Variants in SEC14L5 observed in about 807,000 individuals in gnomAD.
SEC14L5 encodes the protein SEC14-like protein 5.
SEC14L5 carries 96 observed loss-of-function variants against 84.6 expected under a neutral mutation model. That is an observed-to-expected ratio of 1.13 (90% CI 0.96 to 1.34). The LOEUF (loss-of-function observed/expected upper bound fraction) is 1.34. Among genes scored for constraint, SEC14L5 ranks in the 40% most tolerant of loss-of-function variants. SEC14L5 has a pLI of 0.00. For synonymous variants in SEC14L5, 546 were observed against 383.4 expected (o/e 1.42, Z -4.95); for missense variants, 1,224 against 942.5 (o/e 1.30, Z -3.91).
intron 10 of SEC14L5, 144 bp from the exon 11 acceptor site, chr16:5,003,258 G>A (rs150963883): frequency 3.1e-6 from 2 of 638,194 alleles, no homozygotes; most frequent in African/African-American, 1.8e-5. Flanking sequence ...CCTCTTCATC[G>A]CATGGGCTCC....
chr16:5,002,255 A>G (rs1354654824), intron 10 of SEC14L5, among the ~76,000 whole-genome samples: 2 of 149,012 alleles, frequency 1.3e-5, no homozygotes, highest in Admixed American at 6.7e-5. Flanking sequence ...AGCCCCAAAT[A>G]TCCCGATCTT....
intron 2 of SEC14L5, among the ~76,000 whole-genome samples, chr16:4,965,153 T>C (rs975378640): frequency 1.3e-5 from 2 of 152,202 alleles, no homozygotes; most frequent in Non-Finnish European, 2.9e-5. Context: ...GGGTACAATA[T>C]TTTTAAGGTT....
At chr16:5,008,343 C>A (rs1955757225) in intron 13 of SEC14L5, 78 bp from the exon 14 acceptor site, 1 of 1,041,736 alleles carries the variant, frequency 9.6e-7, no homozygotes. Flanking sequence ...GCACCCACAG[C>A]CCCTCCTGCC....
At position 4,987,592 on chromosome 16, in the gene SEC14L5, C is replaced by G. The variant is rs753867022; in HGVS notation, c.99C>G (p.Ile33Met). 10 of 1,562,010 alleles carry G rather than the reference C, an allele frequency of 6.4e-6. No homozygotes were observed. Among genetic ancestry groups the G allele is most frequent in the Non-Finnish European group, 8.7e-6 (10 of 1,154,216 alleles). The change falls in exon 3 of 16, where the codon ATC (isoleucine) becomes ATG (methionine). Residue 33 changes from isoleucine (I) to methionine (M), a missense_variant. Coordinates refer to ENST00000251170, the MANE Select transcript of SEC14L5 (RefSeq NM_014692.2). Reference sequence around the variant, plus strand: ...AGCGTTTCCCCACGTGCCCACAGATCCCAGTCTTCCTGGGCAGCGAGGTCT... The same window carrying G: ...AGCGTTTCCCCACGTGCCCACAGATGCCAGTCTTCCTGGGCAGCGAGGTCT... ...YEKRFPTCPQ[I>M]PVFLGSEVLR...
chr16:4,987,582 GC>G lies in SEC14L5; in HGVS notation c.92del (p.Pro31HisfsTer56). The stretch of plus-strand genomic sequence containing the variant: ...GCCTACGAGAAGCGTTTCCCCACGT[GC>G]CCACAGATCCCAGTCTTCCTGGGCA... ...MAAYEKRFPT[C>X]PQIPVFLGSE... On this transcript the variant is annotated frameshift_variant, in exon 3 of 16. Transcript: ENST00000251170. LOFTEE classifies it high-confidence loss of function. 6.4e-7 allele frequency: 1 copy of G among 1,561,744 alleles called. No homozygotes were observed. Among genetic ancestry groups the G allele is most frequent in the Non-Finnish European group, 8.7e-7 (1 of 1,154,166 alleles).
intron 11 of SEC14L5, among the ~76,000 whole-genome samples, 160 bp downstream of exon 11, chr16:5,003,733 G>T (rs139803338): frequency 1.5e-3 from 231 of 152,296 alleles, no homozygotes; most frequent in African/African-American, 5.1e-3. Context: ...TTTAAGTATA[G>T]ACTCCAGTGG....
In SEC14L5 at chr16:4,988,221, G is replaced by C. The variant is rs200389087; in HGVS notation, c.286G>C (p.Glu96Gln). 8 of 1,613,600 alleles carry C rather than the reference G, an allele frequency of 5.0e-6. No homozygotes were observed. The highest frequency in any genetic ancestry group is 1.7e-5 in the Admixed American group (1 of 59,994). Residue 96 changes from glutamate to glutamine, a missense_variant, in exon 4 of 16, where the codon GAA (glutamate) becomes CAA (glutamine). Transcript: ENST00000251170. ...LNWKERTLLI[E>Q]AHNETFANRV... ...CTGGAAGGAGAGGACGCTCCTCATC[G>C]AAGCGCACAATGAGACCTTCGCCAA...
intron 2 of SEC14L5, among the ~76,000 whole-genome samples, chr16:4,976,834 AC>A (rs1299610220): frequency 6.6e-6 from 1 of 152,174 alleles, no homozygotes; most frequent in Non-Finnish European, 1.5e-5. Context: ...AGAGCACCAA[AC>A]CATGTGTTTG....
chr16:5,000,121 T>C (rs1302309736), intron 8 of SEC14L5, among the ~76,000 whole-genome samples: 1 of 151,398 alleles, frequency 6.6e-6, no homozygotes, highest in Non-Finnish European at 1.5e-5. Context: ...TGAAACCCCA[T>C]TTCTACTAAA....
At position 5,017,284 on chromosome 16, in the gene SEC14L5, G is replaced by A. The variant is rs988308836; in HGVS notation, c.*2314G>A. 4 of 152,274 alleles carry A rather than the reference G, an allele frequency of 2.6e-5. No homozygotes were observed. Among genetic ancestry groups the A allele is most frequent in the African/African-American group, 9.6e-5 (4 of 41,456 alleles). The allele number at this position is 152,274 out of a possible 1,614,324, so 9.4% of individuals were successfully genotyped here. On this transcript the variant is annotated 3_prime_UTR_variant, in exon 16 of 16. Transcript: ENST00000251170. ...CTCTTGAGAGTGCTCTCTCCCTAGG[G>A]AAAACCAGCCCAAACTGGCTTAAGC...
In SEC14L5 at chr16:4,987,726, G is replaced by C. The variant is rs777251624; in HGVS notation, c.213+20G>C. 1 of 1,474,958 alleles carries C rather than the reference G, an allele frequency of 6.8e-7. No individual in the cohort carries two copies. Among genetic ancestry groups the C allele is most frequent in the East Asian group, 2.6e-5 (1 of 37,922 alleles). 91.4% of individuals were successfully genotyped at this position (1,474,958 alleles called of 1,614,324 possible). A position where few individuals can be genotyped will look rare whatever the true frequency, so the allele number is the denominator to read the frequency against. On this transcript the variant is annotated intron_variant, in intron 3 of 15. Transcript: ENST00000251170. ...CGGAAGGTGGGCGGCCCTGGGGCTG[G>C]GGGGCGGAGGAGGGGACCTGTTGCG... is the stretch of plus-strand genomic sequence containing the variant.
At chr16:4,996,482 G>T in intron 7 of SEC14L5, 22 bp downstream of exon 7, 1 of 1,347,556 alleles carries the variant, frequency 7.4e-7, no homozygotes. Flanking sequence ...GGGTACCCTG[G>T]AGCAGTGGAT....
intron 4 of SEC14L5, among the ~76,000 whole-genome samples, chr16:4,988,953 G>C (rs1955524423): frequency 6.6e-6 from 1 of 152,242 alleles, no homozygotes; most frequent in Non-Finnish European, 1.5e-5. Context: ...GGATCCAGCA[G>C]GGAGATGTGT....
At chr16:4,981,719 G>C (rs1955425909) in intron 2 of SEC14L5, among the ~76,000 whole-genome samples, 1 of 152,152 alleles carries the variant, frequency 6.6e-6, no homozygotes, top group African/African-American at 2.4e-5. Context: ...CCCGTGCTGT[G>C]TGACTTGGGG....
chr16:4,996,779 C>A (rs1027044408), intron 7 of SEC14L5, 76 bp from the exon 8 acceptor site: 8 of 1,171,538 alleles, frequency 6.8e-6, no homozygotes, highest in Non-Finnish European at 9.7e-6. Context: ...ACCATGTTGC[C>A]CCGGCTGGTT....
Position 5,017,960 on chromosome 16 carries a change from G to A in SEC14L5, c.*2990G>A, listed in dbSNP as rs1253713566. On this transcript the variant is annotated 3_prime_UTR_variant, in exon 16 of 16. Transcript: ENST00000251170. ...TCATTAATCCATTGTGACCAGGACA[G>A]AAGCAACCCACAAGCAGCATTACTG... is the stretch of plus-strand genomic sequence containing the variant. 1 of 152,256 alleles carries A rather than the reference G, an allele frequency of 6.6e-6. No individual in the cohort carries two copies. Among genetic ancestry groups the A allele is most frequent in the African/African-American group, 2.4e-5 (1 of 41,462 alleles). The allele number at this position is 152,256 out of a possible 1,614,324, so 9.4% of individuals were successfully genotyped here.
intron 2 of SEC14L5, among the ~76,000 whole-genome samples, chr16:4,979,670 G>C (rs1472452329): frequency 6.6e-6 from 1 of 152,196 alleles, no homozygotes; most frequent in African/African-American, 2.4e-5. Context: ...GGGGCCTGGA[G>C]ATGAGGCATT....
intron 8 of SEC14L5, among the ~76,000 whole-genome samples, chr16:4,998,231 T>C (rs1181627670): frequency 6.6e-6 from 1 of 151,386 alleles, no homozygotes; most frequent in Non-Finnish European, 1.5e-5. Flanking sequence ...TTCTTGGAAC[T>C]CCTGACCTCA....
chr16:4,959,470 T>G (rs1426211771), intron 2 of SEC14L5, 84 bp downstream of exon 2: 1 of 1,156,012 alleles, frequency 8.7e-7, no homozygotes, highest in Non-Finnish European at 1.3e-6. Flanking sequence ...ACGGAGCTCC[T>G]TAGACTCCCA....
Sources: allele counts gnomAD v4.1 joint callset (sites outside exome capture counted in the v4.1 genomes callset), GRCh38; gene constraint gnomAD v4.1.1; transcripts MANE v1.5; gene names NCBI Gene and HGNC (gene_info 2026-07-23, HGNC 2026-07-21).